ZNF841: variants seen among roughly 807,000 people sequenced by gnomAD.
ZNF841 encodes zinc finger protein 841.
In ZNF841, 11 loss-of-function variants were observed where a neutral mutation model predicts 13.0. That is an observed-to-expected ratio of 0.85 (90% CI 0.53 to 1.40). ZNF841 has a LOEUF of 1.40. Ranked by LOEUF, ZNF841 falls within the 40% of genes most tolerant of loss-of-function variation. The pLI is 0.00. For missense variants in ZNF841, 1,068 were observed against 1,139.5 expected (o/e 0.94, Z 0.90); for synonymous variants, 369 against 381.6 (o/e 0.97, Z 0.38).
chr19:52,062,354 C>T (rs2087417927), downstream of ZNF841, among the ~76,000 whole-genome samples: 2 of 152,102 alleles, frequency 1.3e-5, no homozygotes, highest in Admixed American at 1.3e-4. Context: ...GTTAGTGAAA[C>T]ATACTCCGTA....
downstream of ZNF841, among the ~76,000 whole-genome samples, chr19:52,060,579 C>T (rs542041741): frequency 3.3e-5 from 5 of 151,930 alleles, no homozygotes; most frequent in Non-Finnish European, 7.4e-5. Context: ...TTTCAGCGGC[C>T]GTTTCCTAGT....
chr19:52,067,742 A>G (rs1249035456), intron 6 of ZNF841, 132 bp from the exon 7 acceptor site: 1 of 554,414 alleles, frequency 1.8e-6, no homozygotes, highest in Non-Finnish European at 2.8e-6. Context: ...ATGATCTTCT[A>G]TTTGTAGAAA....
intron 5 of ZNF841, 102 bp from the exon 6 acceptor site, chr19:52,076,274 T>C: frequency 7.2e-7 from 1 of 1,389,332 alleles, no homozygotes; most frequent in African/African-American, 1.4e-5. Flanking sequence ...ACAAAATATT[T>C]CACAAACTCA....
chr19:52,088,745 G>A (rs933210182), intron 3 of ZNF841, among the ~76,000 whole-genome samples, 192 bp downstream of exon 3: 12 of 152,122 alleles, frequency 7.9e-5, no homozygotes, highest in African/African-American at 2.9e-4. Context: ...AATCTCTCTA[G>A]TAAATTGCAG....
chr19:52,089,589 G>A (rs1044261340), intron 2 of ZNF841, among the ~76,000 whole-genome samples: 1 of 152,168 alleles, frequency 6.6e-6, no homozygotes, highest in African/African-American at 2.4e-5. Flanking sequence ...GGACATTACA[G>A]TGAGCCGAGG....
At chr19:52,091,270 C>A (rs2088488857) in intron 2 of ZNF841, among the ~76,000 whole-genome samples, 1 of 152,216 alleles carries the variant, frequency 6.6e-6, no homozygotes, top group Admixed American at 6.5e-5. Context: ...GTCCATACTA[C>A]CAAAAGTGAT....
chr19:52,081,077 A>G (rs2088084545), intron 4 of ZNF841, among the ~76,000 whole-genome samples: 1 of 152,232 alleles, frequency 6.6e-6, no homozygotes, highest in South Asian at 2.1e-4. Context: ...CAGTATATGC[A>G]GAGGATTGGT....
intron 6 of ZNF841, 42 bp from the exon 7 acceptor site, chr19:52,067,652 T>C (rs758190514): frequency 1.5e-6 from 2 of 1,318,356 alleles, no homozygotes; most frequent in Non-Finnish European, 1.0e-6. Flanking sequence ...ATAACTATTA[T>C]TGGTAAATAT....
At chr19:52,083,132 T>C (rs1216213409) in intron 4 of ZNF841, among the ~76,000 whole-genome samples, 1 of 151,900 alleles carries the variant, frequency 6.6e-6, no homozygotes, top group African/African-American at 2.4e-5. Flanking sequence ...CAGCAGAACA[T>C]TCACTTAAGA....
chr19:52,067,702 T>A, intron 6 of ZNF841, 92 bp from the exon 7 acceptor site: 1 of 886,622 alleles, frequency 1.1e-6, no homozygotes. Context: ...ACATAATGTT[T>A]ATACTAGCAA....
At chr19:52,061,164 C>T (rs142321021), downstream of ZNF841, among the ~76,000 whole-genome samples, 419 of 152,236 alleles carry the variant, frequency 2.8e-3, 1 homozygote, top group Non-Finnish European at 4.9e-3. Flanking sequence ...TTTCAAAGTC[C>T]TCTTCTCTTT....
At chr19:52,063,390 C>T (rs555905476), downstream of ZNF841, among the ~76,000 whole-genome samples, 1 of 152,218 alleles carries the variant, frequency 6.6e-6, no homozygotes, top group South Asian at 2.1e-4. Context: ...ACTCTTGTCA[C>T]CCAGGCTGGA....
the ZNF841 span, chr19:52,058,704 T>A: frequency 7.8e-5 from 12 of 153,216 alleles, no homozygotes; most frequent in South Asian, 2.1e-4. Context: ...TGAAAATTAA[T>A]GTTTATAAGA....
At chr19:52,073,607 C>T (rs1792797076) in intron 6 of ZNF841, among the ~76,000 whole-genome samples, 1 of 152,080 alleles carries the variant, frequency 6.6e-6, no homozygotes, top group African/African-American at 2.4e-5. Context: ...TTGCTCCTGG[C>T]CCAATACCAG....
At chr19:52,080,722 A>C (rs2123315988) in intron 4 of ZNF841, among the ~76,000 whole-genome samples, 1 of 152,328 alleles carries the variant, frequency 6.6e-6, no homozygotes, top group Admixed American at 6.5e-5. Context: ...AAAGACAGAC[A>C]ACAGGGGAGC....
Position 52,082,226 on chromosome 19 carries a change from G to A in ZNF841, c.15+2561C>T, listed in dbSNP as rs112188693. On this transcript the variant is annotated intron_variant, in intron 4 of 6. Transcript: ENST00000594440. Reference sequence around the variant, plus strand: ...AAGATGTGATGGTGACAAGACCTGCGACTGTAAAAATTCATGGCCATTCAA... The same window carrying A: ...AAGATGTGATGGTGACAAGACCTGCAACTGTAAAAATTCATGGCCATTCAA... Among the ~76,000 whole-genome samples the A allele has an allele frequency of 4.3e-4, 65 of 152,206 alleles. 2 individuals carry two copies. Among genetic ancestry groups the A allele is most frequent in the African/African-American group, 1.4e-3 (60 of 41,530 alleles).
At position 52,065,567 on chromosome 19, in the gene ZNF841, T is replaced by G; in HGVS notation, c.2315A>C (p.Lys772Thr). The G allele has an allele frequency of 6.2e-7, 1 of 1,614,026 alleles. No homozygotes were observed. The highest frequency in any genetic ancestry group is 1.7e-5 in the Admixed American group (1 of 59,992). ...EKPYKCNECG[K>T]VFRYRSGLAR... ...GAGGCCTGAGCGATAACGGAAGACC[T>G]TGCCACATTCATTACATTTGTAAGG... Residue 772 changes from lysine to threonine, a missense_variant, in exon 7 of 7, where the codon AAG becomes ACG. By Grantham distance (78) the Lys-to-Thr change is moderately conservative (BLOSUM62 -1). Transcript: ENST00000594440.
downstream of ZNF841, among the ~76,000 whole-genome samples, chr19:52,061,615 C>A (rs2123184501): frequency 6.6e-6 from 1 of 152,242 alleles, no homozygotes; most frequent in East Asian, 1.9e-4. Context: ...GGCTTGATCT[C>A]CGCTCACTGC....
At chr19:52,085,862 G>A (rs961693992) in intron 3 of ZNF841, among the ~76,000 whole-genome samples, 7 of 152,202 alleles carry the variant, frequency 4.6e-5, no homozygotes, top group African/African-American at 1.7e-4. Flanking sequence ...CAGAAACTAT[G>A]CATTTCCTCA....
Sources: allele counts gnomAD v4.1 joint callset (sites outside exome capture counted in the v4.1 genomes callset), GRCh38; gene constraint gnomAD v4.1.1; transcripts MANE v1.5; gene names NCBI Gene and HGNC (gene_info 2026-07-23, HGNC 2026-07-21).